SLC16A12: variants seen among roughly 807,000 people sequenced by gnomAD.
SLC16A12 encodes monocarboxylate transporter 12.
A neutral mutation model predicts 42.4 loss-of-function variants in SLC16A12; 17 were observed. That is an observed-to-expected ratio of 0.40 (90% CI 0.27 to 0.60). The LOEUF (loss-of-function observed/expected upper bound fraction) is 0.60. Ranked by LOEUF, SLC16A12 falls within the 20% of genes least tolerant of loss-of-function variation. SLC16A12 has a pLI of 0.42. For missense variants in SLC16A12, 544 were observed against 623.0 expected (o/e 0.87, Z 1.35); for synonymous variants, 224 against 229.4 (o/e 0.98, Z 0.21).
At position 89,431,039 on chromosome 10, in the gene SLC16A12, C is replaced by T. The variant is rs1284511941; in HGVS notation, c.*2025G>A. The T allele has an allele frequency of 7.4e-6, 2 of 268,890 alleles. No homozygotes were observed. Among genetic ancestry groups the T allele is most frequent in the Non-Finnish European group, 1.4e-5 (2 of 140,694 alleles). 16.7% of individuals were successfully genotyped at this position (268,890 alleles called of 1,614,324 possible). A position where few individuals can be genotyped will look rare whatever the true frequency, so the allele number is the denominator to read the frequency against. Reference sequence around the variant, plus strand: ...TTGAGATGGAGTCTTGCTCTGTCGCCCAGGGTGGAGTGCAGTGGCATGATT... The same window carrying T: ...TTGAGATGGAGTCTTGCTCTGTCGCTCAGGGTGGAGTGCAGTGGCATGATT... On this transcript the variant is annotated 3_prime_UTR_variant, in exon 8 of 8. Coordinates refer to ENST00000371790, the MANE Select transcript of SLC16A12 (RefSeq NM_213606.4).
intron 2 of SLC16A12, among the ~76,000 whole-genome samples, chr10:89,479,939 C>T (rs982403473): frequency 2.0e-5 from 3 of 152,134 alleles, no homozygotes; most frequent in Admixed American, 6.5e-5. Context: ...TACATAGAGG[C>T]ATTTACATGT....
intron 2 of SLC16A12, among the ~76,000 whole-genome samples, chr10:89,489,911 A>G (rs921991770): frequency 6.6e-6 from 1 of 152,230 alleles, no homozygotes; most frequent in Non-Finnish European, 1.5e-5. Flanking sequence ...AAAAGTCATT[A>G]TAGTCACTAG....
chr10:89,434,965 A>G (rs1841755014), intron 7 of SLC16A12, among the ~76,000 whole-genome samples: 1 of 152,216 alleles, frequency 6.6e-6, no homozygotes, highest in Admixed American at 6.5e-5. Context: ...GGAAGGAGAA[A>G]CAGCTTCTGA....
At chr10:89,479,073 GT>G (rs1441966967) in intron 2 of SLC16A12, among the ~76,000 whole-genome samples, 4 of 152,260 alleles carry the variant, frequency 2.6e-5, no homozygotes, top group South Asian at 4.1e-4. Flanking sequence ...CTTACTAATA[GT>G]GAACTGTCAC....
At position 89,439,108 on chromosome 10, in the gene SLC16A12, G is replaced by A. The variant is rs765553878; in HGVS notation, c.524C>T (p.Ala175Val). 22 of 1,613,766 alleles carry A rather than the reference G, an allele frequency of 1.4e-5. No individual in the cohort carries two copies. The highest frequency in any genetic ancestry group is 1.7e-5 in the Admixed American group (1 of 59,966). The change falls in exon 6 of 8, where the codon GCT (alanine) becomes GTT (valine). Residue 175 changes from alanine to valine, a missense_variant. By Grantham distance (64) the Ala-to-Val change is moderately conservative. Transcript: ENST00000371790. ...ACTTCCTGACATGGCGATACCATAA[G>A]CAAGGGCTTTCCGTCTGCTGAAGTA... ...GKYFSRRKAL[A>V]YGIAMSGSGI...
chr10:89,508,756 A>C (rs1056198639), intron 2 of SLC16A12, among the ~76,000 whole-genome samples: 2 of 152,172 alleles, frequency 1.3e-5, no homozygotes, highest in African/African-American at 2.4e-5. Flanking sequence ...ATAGAGACAC[A>C]AAAAACCCTT....
At chr10:89,459,536 GTA>G (rs1491549849) in intron 3 of SLC16A12, among the ~76,000 whole-genome samples, 11 of 151,836 alleles carry the variant, frequency 7.2e-5, no homozygotes, top group African/African-American at 2.7e-4. Context: ...GTGTGTGTGT[GTA>G]TGTGTGTGTG....
chr10:89,497,979 AC>A (rs1842945568), intron 2 of SLC16A12, among the ~76,000 whole-genome samples: 1 of 152,208 alleles, frequency 6.6e-6, no homozygotes, highest in Non-Finnish European at 1.5e-5. Context: ...TGAAAACTTA[AC>A]AAGAAACAAT....
chr10:89,506,983 GA>G (rs1373637431), intron 2 of SLC16A12, among the ~76,000 whole-genome samples: 2 of 151,976 alleles, frequency 1.3e-5, no homozygotes, highest in African/African-American at 2.4e-5. Context: ...ATCAGTGATT[GA>G]AGACCAAATT....
intron 2 of SLC16A12, among the ~76,000 whole-genome samples, chr10:89,527,354 G>C (rs1310843923): frequency 6.6e-6 from 1 of 151,816 alleles, no homozygotes; most frequent in Admixed American, 6.6e-5. Context: ...GTGGTGGCAG[G>C]TGCCTGTAAT....
chr10:89,506,341 C>T (rs1843061372), intron 2 of SLC16A12, among the ~76,000 whole-genome samples: 1 of 152,172 alleles, frequency 6.6e-6, no homozygotes. Flanking sequence ...TGGCATCTGG[C>T]AGGTGAACCT....
At chr10:89,524,332 C>T (rs942230656) in intron 2 of SLC16A12, among the ~76,000 whole-genome samples, 1 of 152,158 alleles carries the variant, frequency 6.6e-6, no homozygotes, top group Non-Finnish European at 1.5e-5. Context: ...AAAATCAAAA[C>T]CCCTTGGTGG....
At chr10:89,502,004 T>C (rs1842997053) in intron 2 of SLC16A12, among the ~76,000 whole-genome samples, 1 of 152,210 alleles carries the variant, frequency 6.6e-6, no homozygotes, top group Non-Finnish European at 1.5e-5. Flanking sequence ...AATTGTCTCA[T>C]GAATTGAAGA....
chr10:89,541,592 A>G (rs937518132), intron 2 of SLC16A12, among the ~76,000 whole-genome samples: 2 of 152,202 alleles, frequency 1.3e-5, no homozygotes, highest in Admixed American at 1.3e-4. Context: ...GTCTCTAAAA[A>G]TAGAAAATAA....
chr10:89,437,155 C>T (rs903157220), intron 6 of SLC16A12, among the ~76,000 whole-genome samples: 4 of 152,152 alleles, frequency 2.6e-5, no homozygotes, highest in African/African-American at 7.2e-5. Flanking sequence ...AGTGGTTACA[C>T]AAAGGGGAAA....
chr10:89,509,199 T>G (rs1025036166), intron 2 of SLC16A12, among the ~76,000 whole-genome samples: 1 of 152,212 alleles, frequency 6.6e-6, no homozygotes, highest in African/African-American at 2.4e-5. Flanking sequence ...CTTCTGAAAC[T>G]ATTCCAATCA....
intron 3 of SLC16A12, 98 bp downstream of exon 3, chr10:89,462,278 ACAT>A: frequency 1.3e-6 from 2 of 1,504,056 alleles, no homozygotes; most frequent in East Asian, 4.7e-5. Flanking sequence ...ATGAACACAC[ACAT>A]ATCTTCACAA....
intron 6 of SLC16A12, among the ~76,000 whole-genome samples, chr10:89,437,090 GTATGT>G (rs989266613): frequency 6.6e-6 from 1 of 152,130 alleles, no homozygotes; most frequent in Non-Finnish European, 1.5e-5. Flanking sequence ...ATACTTTTAG[GTATGT>G]TATCCATTGG....
chr10:89,483,412 A>C (rs577529123), intron 2 of SLC16A12, among the ~76,000 whole-genome samples: 1 of 152,310 alleles, frequency 6.6e-6, no homozygotes, highest in Non-Finnish European at 1.5e-5. Context: ...CGCCAGGGCC[A>C]GTAACAGCAT....
Sources: gnomAD v4.1 joint callset for allele counts (sites outside exome capture counted in the v4.1 genomes callset) on GRCh38, gnomAD v4.1.1 for gene constraint, MANE v1.5 for transcripts, NCBI Gene and HGNC (gene_info 2026-07-23, HGNC 2026-07-21) for gene names.